FYN: variants seen among roughly 807,000 people sequenced by gnomAD.
FYN encodes the protein tyrosine-protein kinase Fyn.
Under a neutral mutation model 70.2 loss-of-function variants are expected in FYN, and 10 were observed. That is an observed-to-expected ratio of 0.14 (90% CI 0.09 to 0.24). The LOEUF (loss-of-function observed/expected upper bound fraction) is 0.24. Ranked by LOEUF, FYN falls within the 10% of genes least tolerant of loss-of-function variation. The probability of loss-of-function intolerance (pLI) is 1.00; values close to 1 mark genes in which losing one functional copy is unlikely to be tolerated. For synonymous variants in FYN, 236 were observed against 248.6 expected (o/e 0.95, Z 0.48); for missense variants, 319 against 673.1 (o/e 0.47, Z 5.82).
intron 1 of FYN, among the ~76,000 whole-genome samples, chr6:111,851,532 G>C (rs1014466501): frequency 6.6e-6 from 1 of 152,114 alleles, no homozygotes; most frequent in East Asian, 1.9e-4. Context: ...CTAACTGCAC[G>C]GTCTGTTTCA....
At chr6:111,805,103 G>C (rs1772106689) in intron 2 of FYN, among the ~76,000 whole-genome samples, 1 of 151,998 alleles carries the variant, frequency 6.6e-6, no homozygotes, top group Non-Finnish European at 1.5e-5. Context: ...ATGACTCGAA[G>C]TGTGTTTGCC....
At chr6:111,828,763 C>T (rs1009984236) in intron 2 of FYN, among the ~76,000 whole-genome samples, 7 of 152,224 alleles carry the variant, frequency 4.6e-5, no homozygotes, top group Non-Finnish European at 7.4e-5. Flanking sequence ...TGGCAGAATC[C>T]GGAGTTGTTG....
Sources: gnomAD v4.1 joint callset for allele counts (sites outside exome capture counted in the v4.1 genomes callset) on GRCh38, gnomAD v4.1.1 for gene constraint, MANE v1.5 for transcripts, NCBI Gene and HGNC (gene_info 2026-07-23, HGNC 2026-07-21) for gene names.